Variants in ARK2N observed in about 807,000 individuals in gnomAD.
The protein encoded by ARK2N is protein ARK2N.
At chr18:46,187,003 C>T in the ARK2N span, among the ~76,000 whole-genome samples, 1 of 151,336 alleles carries the variant, frequency 6.6e-6, no homozygotes, top group Non-Finnish European at 1.5e-5. Context: ...TACAGACATG[C>T]GTCATCATGA....
the ARK2N span, chr18:46,218,419 A>G: frequency 2.0e-5 from 3 of 152,216 alleles, no homozygotes; most frequent in African/African-American, 7.2e-5. Flanking sequence ...TTTCTAAGGT[A>G]ATCCTGGAGA....
the ARK2N span, among the ~76,000 whole-genome samples, chr18:46,214,758 A>T: frequency 2.0e-5 from 3 of 152,342 alleles, no homozygotes; most frequent in East Asian, 5.8e-4. Context: ...TTATTCATTC[A>T]TAGAATATAC....
the ARK2N span, among the ~76,000 whole-genome samples, chr18:46,221,720 C>A: frequency 6.6e-6 from 1 of 151,822 alleles, no homozygotes; most frequent in Non-Finnish European, 1.5e-5. Context: ...GGCTTTTTAA[C>A]CTTTTGGGGG....
At chr18:46,228,936 A>G in the ARK2N span, 1 of 396,494 alleles carries the variant, frequency 2.5e-6, no homozygotes, top group African/African-American at 2.1e-5. Flanking sequence ...GGTGTTGAAC[A>G]CTAATAATTT....
chr18:46,236,089 C>A, the ARK2N span, among the ~76,000 whole-genome samples: 188 of 152,248 alleles, frequency 1.2e-3, 1 homozygote, highest in African/African-American at 4.0e-3. Flanking sequence ...CAGTACAAAT[C>A]CATTTCTAGC....
At chr18:46,233,973 A>G in the ARK2N span, among the ~76,000 whole-genome samples, 1 of 152,168 alleles carries the variant, frequency 6.6e-6, no homozygotes, top group Non-Finnish European at 1.5e-5. Flanking sequence ...TCTGAAGAAA[A>G]TAATACACAT....
At chr18:46,214,279 T>C in the ARK2N span, among the ~76,000 whole-genome samples, 1 of 152,208 alleles carries the variant, frequency 6.6e-6, no homozygotes, top group Non-Finnish European at 1.5e-5. Flanking sequence ...GATGCCATAT[T>C]GCACCTAGCA....
the ARK2N span, among the ~76,000 whole-genome samples, chr18:46,255,927 A>G: frequency 6.6e-6 from 1 of 152,174 alleles, no homozygotes; most frequent in Non-Finnish European, 1.5e-5. Flanking sequence ...TGAGAAAGCT[A>G]GAACTACTGA....
At chr18:46,196,562 A>T in the ARK2N span, among the ~76,000 whole-genome samples, 1 of 152,216 alleles carries the variant, frequency 6.6e-6, no homozygotes, top group East Asian at 1.9e-4. Context: ...TGCCTGGCCG[A>T]GTTGTAAATG....
chr18:46,210,762 T>C, the ARK2N span, among the ~76,000 whole-genome samples: 1 of 151,800 alleles, frequency 6.6e-6, no homozygotes, highest in Admixed American at 6.6e-5. Context: ...ATACAAAAAT[T>C]AGCCAGGCAT....
chr18:46,182,462 G>C, the ARK2N span, among the ~76,000 whole-genome samples: 3 of 151,976 alleles, frequency 2.0e-5, no homozygotes, highest in African/African-American at 7.3e-5. Context: ...TTTGTTTTAG[G>C]GCCAGGCATG....
chr18:46,231,727 T>C, the ARK2N span: 1 of 152,034 alleles, frequency 6.6e-6, no homozygotes, highest in African/African-American at 2.4e-5. Context: ...TTACATACGA[T>C]TTTTCTTTCT....
At chr18:46,222,441 A>G in the ARK2N span, among the ~76,000 whole-genome samples, 11 of 152,214 alleles carry the variant, frequency 7.2e-5, no homozygotes, top group African/African-American at 2.7e-4. Context: ...TGCAATGTCT[A>G]AATGTGGTTT....
chr18:46,194,529 A>G, the ARK2N span, among the ~76,000 whole-genome samples: 12 of 151,462 alleles, frequency 7.9e-5, no homozygotes, highest in African/African-American at 2.7e-4. Context: ...CTGGAGTGCA[A>G]TGGCATGGTC....
At chr18:46,219,115 T>C in the ARK2N span, 1 of 152,208 alleles carries the variant, frequency 6.6e-6, no homozygotes, top group African/African-American at 2.4e-5. Flanking sequence ...GCATATTCTT[T>C]TAGAGAGTGC....
the ARK2N span, among the ~76,000 whole-genome samples, chr18:46,211,953 A>G: frequency 2.0e-5 from 3 of 152,234 alleles, no homozygotes; most frequent in Non-Finnish European, 2.9e-5. Context: ...CCTTGACCAA[A>G]AACAATATAT....
chr18:46,255,445 C>CTTTGCTTTT, the ARK2N span, among the ~76,000 whole-genome samples: 1 of 77,742 alleles, frequency 1.3e-5, no homozygotes, highest in African/African-American at 6.1e-5. Flanking sequence ...CTTTTCTTTT[C>CTTTGCTTTT]TTTTTTTTTT....
the ARK2N span, chr18:46,240,289 A>ATGTCTCTGGTAT: frequency 2.4e-6 from 3 of 1,270,392 alleles, no homozygotes; most frequent in Non-Finnish European, 3.2e-6. Context: ...GTCATACCAG[A>ATGTCTCTGGTAT]GACATCTGGC....
At chr18:46,177,195 T>C in the ARK2N span, among the ~76,000 whole-genome samples, 124 of 152,254 alleles carry the variant, frequency 8.1e-4, 1 homozygote, top group Admixed American at 1.9e-3. Flanking sequence ...ATACTATGAA[T>C]AAAAAGTTGT....
Sources: allele counts gnomAD v4.1 joint callset (sites outside exome capture counted in the v4.1 genomes callset), GRCh38; gene constraint gnomAD v4.1.1; transcripts MANE v1.5; gene names NCBI Gene and HGNC (gene_info 2026-07-23, HGNC 2026-07-21).